Variants in SLC25A26 observed in about 807,000 individuals in gnomAD.
The protein encoded by SLC25A26 is mitochondrial S-adenosylmethionine carrier protein.
In SLC25A26, 36 loss-of-function variants were observed where a neutral mutation model predicts 37.8. The observed-to-expected ratio is 0.95, with a 90% CI of 0.73 to 1.26. The LOEUF is 1.26. SLC25A26 is among the 50% of genes most tolerant of loss of function. The probability of loss-of-function intolerance (pLI) is 0.00; values close to 1 mark genes in which losing one functional copy is unlikely to be tolerated. For missense variants in SLC25A26, 390 were observed against 331.1 expected, an observed-to-expected ratio of 1.18 and a Z score of -1.38; for synonymous variants, 129 against 122.5, an observed-to-expected ratio of 1.05 and a Z score of -0.35.
At chr3:66,246,902 C>T (rs1244832974) in intron 3 of SLC25A26, among the ~76,000 whole-genome samples, 14 of 152,148 alleles carry the variant, frequency 9.2e-5, no homozygotes, top group East Asian at 1.9e-4. Flanking sequence ...TGCTCTTTCG[C>T]CCATGCTGGA....
chr3:66,243,821 A>G (rs142368443), intron 3 of SLC25A26, among the ~76,000 whole-genome samples: 1 of 152,180 alleles, frequency 6.6e-6, no homozygotes, highest in Non-Finnish European at 1.5e-5. Flanking sequence ...CTGTATCACC[A>G]TGTTGACGTT....
chr3:66,336,299 G>A (rs1024031184), intron 5 of SLC25A26, among the ~76,000 whole-genome samples: 5 of 152,000 alleles, frequency 3.3e-5, no homozygotes, highest in Non-Finnish European at 7.4e-5. Context: ...GTTTCTTGAC[G>A]CATTGGTCAT....
intron 6 of SLC25A26, among the ~76,000 whole-genome samples, chr3:66,350,462 C>T (rs1165913015): frequency 6.6e-6 from 1 of 152,124 alleles, no homozygotes; most frequent in Non-Finnish European, 1.5e-5. Context: ...GAATTTGTGG[C>T]CACATTTCAC....
chr3:66,281,049 G>A (rs1338114342), intron 5 of SLC25A26, among the ~76,000 whole-genome samples: 2 of 152,158 alleles, frequency 1.3e-5, no homozygotes, highest in Admixed American at 1.3e-4. Context: ...GCATTTGGTT[G>A]TCAGGGTCCC....
At chr3:66,201,533 A>G (rs1264711624) in intron 1 of SLC25A26, among the ~76,000 whole-genome samples, 1 of 152,016 alleles carries the variant, frequency 6.6e-6, no homozygotes, top group African/African-American at 2.4e-5. Flanking sequence ...ATGGGGTTTC[A>G]CCACGTTGTT....
At chr3:66,317,779 C>T (rs115141934) in intron 5 of SLC25A26, among the ~76,000 whole-genome samples, 1,685 of 152,302 alleles carry the variant, frequency 0.011, 44 homozygotes, top group African/African-American at 0.038. Flanking sequence ...TCAGGGATAT[C>T]AGAGTTCTGT....
chr3:66,246,362 T>G (rs2072839967), intron 3 of SLC25A26, among the ~76,000 whole-genome samples: 1 of 152,214 alleles, frequency 6.6e-6, no homozygotes, highest in Non-Finnish European at 1.5e-5. Flanking sequence ...TTATAAACTT[T>G]CAGTCCAAAA....
intron 3 of SLC25A26, among the ~76,000 whole-genome samples, chr3:66,251,364 G>A (rs927339825): frequency 2.0e-5 from 3 of 152,166 alleles, no homozygotes; most frequent in Non-Finnish European, 2.9e-5. Flanking sequence ...TAGAGCTGGT[G>A]GAAAGATGAT....
intron 6 of SLC25A26, chr3:66,356,000 A>C: frequency 2.2e-6 from 1 of 456,018 alleles, no homozygotes; most frequent in South Asian, 1.5e-5. Context: ...CATGTATAAA[A>C]AGCATATAGT....
intron 9 of SLC25A26, among the ~76,000 whole-genome samples, chr3:66,374,774 G>A (rs1700547214): frequency 6.6e-6 from 1 of 152,094 alleles, no homozygotes; most frequent in African/African-American, 2.4e-5. Context: ...CCAGCTACTT[G>A]GGAAGCTGAG....
chr3:66,207,695 A>G (rs2071199033), intron 1 of SLC25A26, among the ~76,000 whole-genome samples: 2 of 152,256 alleles, frequency 1.3e-5, no homozygotes. Flanking sequence ...TCTTAATTGT[A>G]GAATACTTGA....
At chr3:66,302,156 G>T (rs75636039) in intron 5 of SLC25A26, among the ~76,000 whole-genome samples, 1,714 of 152,336 alleles carry the variant, frequency 0.011, 38 homozygotes, top group African/African-American at 0.039. Context: ...TTGTGCAGAA[G>T]TATATCCTGA....
intron 1 of SLC25A26, among the ~76,000 whole-genome samples, chr3:66,161,834 C>T (rs772387113): frequency 1.4e-4 from 21 of 152,152 alleles, no homozygotes; most frequent in Admixed American, 9.8e-4. Context: ...CTCAAGCCAC[C>T]TCACCAACTC....
At chr3:66,355,630 CTT>C (rs1174622137) in intron 6 of SLC25A26, among the ~76,000 whole-genome samples, 1 of 152,174 alleles carries the variant, frequency 6.6e-6, no homozygotes, top group Non-Finnish European at 1.5e-5. Flanking sequence ...TCAGAAATCT[CTT>C]TTGTAGACAT....
At chr3:66,259,472 C>T (rs1378432082) in intron 3 of SLC25A26, among the ~76,000 whole-genome samples, 2 of 152,146 alleles carry the variant, frequency 1.3e-5, no homozygotes, top group African/African-American at 4.8e-5. Flanking sequence ...TCCCTTCTTC[C>T]CTGGACTGCT....
At chr3:66,286,059 G>C (rs1018308777) in intron 5 of SLC25A26, among the ~76,000 whole-genome samples, 1 of 152,024 alleles carries the variant, frequency 6.6e-6, no homozygotes, top group South Asian at 2.1e-4. Context: ...TTAATTGTAC[G>C]GTTTCTTTGG....
chr3:66,250,973 G>C (rs1176488804), intron 3 of SLC25A26, among the ~76,000 whole-genome samples: 1 of 152,114 alleles, frequency 6.6e-6, no homozygotes, highest in Non-Finnish European at 1.5e-5. Flanking sequence ...TGGCAGGGCA[G>C]CTAAAATCTG....
At chr3:66,154,650 T>G (rs2070255252) in intron 1 of SLC25A26, among the ~76,000 whole-genome samples, 1 of 151,818 alleles carries the variant, frequency 6.6e-6, no homozygotes, top group African/African-American at 2.4e-5. Flanking sequence ...CCTAGTTAAT[T>G]TTTGTTATTT....
intron 4 of SLC25A26, 33 bp downstream of exon 4, chr3:66,262,188 TATTAAG>T: frequency 8.5e-7 from 1 of 1,182,912 alleles, no homozygotes; most frequent in Non-Finnish European, 1.2e-6. Context: ...TTCTTTTCTT[TATTAAG>T]ATTTTATAGT....
Sources: gnomAD v4.1 joint callset for allele counts (sites outside exome capture counted in the v4.1 genomes callset) on GRCh38, gnomAD v4.1.1 for gene constraint, MANE v1.5 for transcripts, NCBI Gene and HGNC (gene_info 2026-07-23, HGNC 2026-07-21) for gene names.